PDE1C: variants seen among roughly 807,000 people sequenced by gnomAD.
PDE1C encodes the protein dual specificity calcium/calmodulin-dependent 3',5'-cyclic nucleotide phosphodiesterase 1C.
A neutral mutation model predicts 93.1 loss-of-function variants in PDE1C; 62 were observed. That is an observed-to-expected ratio of 0.67 (90% CI 0.54 to 0.82). The LOEUF is 0.82. Among genes scored for constraint, PDE1C ranks in the 40% least tolerant of loss-of-function variants. The probability of loss-of-function intolerance (pLI) is 0.00; values close to 1 mark genes in which losing one functional copy is unlikely to be tolerated. For synonymous variants in PDE1C, 325 were observed against 310.1 expected (o/e 1.05, Z -0.50); for missense variants, 742 against 884.6 (o/e 0.84, Z 2.04).
chr7:31,642,781 G>C, the PDE1C span: 2 of 1,614,006 alleles, frequency 1.2e-6, no homozygotes, highest in Non-Finnish European at 1.7e-6. Context: ...CTGTCAGCTA[G>C]AGTCGGATGG....
the PDE1C span, among the ~76,000 whole-genome samples, chr7:31,725,376 A>G: frequency 6.6e-6 from 1 of 152,236 alleles, no homozygotes; most frequent in Admixed American, 6.5e-5. Flanking sequence ...GTAAAAGACC[A>G]TCAAAAGGAT....
intron 2 of PDE1C, among the ~76,000 whole-genome samples, chr7:32,198,780 G>A (rs1804793617): frequency 6.6e-6 from 1 of 152,122 alleles, no homozygotes; most frequent in Admixed American, 6.6e-5. Context: ...TTTGGATATG[G>A]GGACATAGGC....
chr7:32,053,349 C>T (rs1040188165), intron 1 of PDE1C, among the ~76,000 whole-genome samples: 7 of 152,216 alleles, frequency 4.6e-5, no homozygotes, highest in Non-Finnish European at 1.0e-4. Context: ...CACTCTCTCG[C>T]ACCTGGACCC....
intron 3 of PDE1C, among the ~76,000 whole-genome samples, chr7:32,127,933 G>A (rs968154110): frequency 2.6e-5 from 4 of 151,932 alleles, no homozygotes; most frequent in Non-Finnish European, 4.4e-5. Context: ...GAAAAGGACA[G>A]CAATGAAAAG....
intron 1 of PDE1C, among the ~76,000 whole-genome samples, chr7:32,384,139 T>TTAAAAA (rs1450644636): frequency 4.6e-5 from 7 of 152,214 alleles, no homozygotes; most frequent in African/African-American, 1.7e-4. Context: ...CAGTTGGAGC[T>TTAAAAA]CACCAGGTAT....
intron 2 of PDE1C, among the ~76,000 whole-genome samples, chr7:32,042,974 T>C (rs192869310): frequency 2.7e-4 from 41 of 152,314 alleles, no homozygotes; most frequent in African/African-American, 9.9e-4. Context: ...TCGGCACAGC[T>C]AAATGTGACA....
chr7:32,240,120 T>TA (rs1337415080), intron 1 of PDE1C, among the ~76,000 whole-genome samples: 1 of 152,256 alleles, frequency 6.6e-6, no homozygotes, highest in African/African-American at 2.4e-5. Context: ...AGCTGTTTGT[T>TA]ACGGCAGCAT....
chr7:32,308,147 C>G (rs1431324536), intron 1 of PDE1C, among the ~76,000 whole-genome samples: 1 of 152,238 alleles, frequency 6.6e-6, no homozygotes, highest in South Asian at 2.1e-4. Context: ...CAGCAACAGT[C>G]TGAGATCAAA....
At chr7:31,835,371 C>T (rs79674895) in intron 11 of PDE1C, among the ~76,000 whole-genome samples, 1,633 of 152,132 alleles carry the variant, frequency 0.011, 30 homozygotes, top group African/African-American at 0.037. Context: ...GATGATTTTG[C>T]GGAGTCACCT....
chr7:32,066,602 CT>C (rs1449119930), intron 1 of PDE1C, among the ~76,000 whole-genome samples: 1 of 152,090 alleles, frequency 6.6e-6, no homozygotes, highest in African/African-American at 2.4e-5. Flanking sequence ...AATAGAAAAA[CT>C]TTTTGGTCGG....
intron 7 of PDE1C, among the ~76,000 whole-genome samples, chr7:31,863,993 G>A (rs533515436): frequency 6.6e-6 from 1 of 152,250 alleles, no homozygotes; most frequent in Admixed American, 6.5e-5. Flanking sequence ...GATAACAAAT[G>A]TGCCCTGGAT....
chr7:32,409,242 TCC>T (rs1478717689), intron 1 of PDE1C, among the ~76,000 whole-genome samples: 1 of 151,694 alleles, frequency 6.6e-6, no homozygotes, highest in South Asian at 2.1e-4. Flanking sequence ...GTGCCTGTAG[TCC>T]CAGCTACCTG....
chr7:31,870,527 C>T (rs959046367), intron 6 of PDE1C, among the ~76,000 whole-genome samples: 7 of 151,944 alleles, frequency 4.6e-5, no homozygotes, highest in African/African-American at 1.7e-4. Flanking sequence ...TTCCTGGACA[C>T]ATACAACTTA....
At chr7:31,737,196 C>T in the PDE1C span, among the ~76,000 whole-genome samples, 1 of 151,606 alleles carries the variant, frequency 6.6e-6, no homozygotes, top group Non-Finnish European at 1.5e-5. Context: ...GCAAGCTGAC[C>T]TTGAACTCCT....
intron 1 of PDE1C, among the ~76,000 whole-genome samples, chr7:32,318,270 C>A (rs548653338): frequency 6.6e-6 from 1 of 152,266 alleles, no homozygotes; most frequent in African/African-American, 2.4e-5. Flanking sequence ...GAATCCAAAC[C>A]AAACCCCCCT....
At chr7:32,081,931 C>T (rs10261120) in intron 3 of PDE1C, among the ~76,000 whole-genome samples, 111,655 of 151,848 alleles carry the variant, frequency 0.74, 41,345 homozygotes, top group Middle Eastern at 0.82. Context: ...CCAGAGTGAG[C>T]GACGCAGAAG....
chr7:32,165,096 C>T (rs1178989141), intron 3 of PDE1C, among the ~76,000 whole-genome samples: 1 of 152,196 alleles, frequency 6.6e-6, no homozygotes, highest in Non-Finnish European at 1.5e-5. Flanking sequence ...TGAAAACAGA[C>T]CTTTCATGCC....
chr7:32,025,921 T>C (rs1396128770), intron 2 of PDE1C, among the ~76,000 whole-genome samples: 1 of 152,134 alleles, frequency 6.6e-6, no homozygotes, highest in Non-Finnish European at 1.5e-5. Flanking sequence ...TGGCAGCGTC[T>C]GTTCCTTGTA....
At chr7:31,798,527 C>T (rs774419146) in intron 16 of PDE1C, among the ~76,000 whole-genome samples, 40 of 151,786 alleles carry the variant, frequency 2.6e-4, no homozygotes, top group Middle Eastern at 3.4e-3. Context: ...TGTGTAGTGA[C>T]GCAACATAAA....
Sources: allele counts gnomAD v4.1 joint callset (sites outside exome capture counted in the v4.1 genomes callset), GRCh38; gene constraint gnomAD v4.1.1; transcripts MANE v1.5; gene names NCBI Gene and HGNC (gene_info 2026-07-23, HGNC 2026-07-21).